SNX14: variants seen among roughly 807,000 people sequenced by gnomAD.
The protein encoded by SNX14 is sorting nexin-14.
A neutral mutation model predicts 133.8 loss-of-function variants in SNX14; 93 were observed. The ratio of observed to expected loss-of-function variants is 0.70; its 90% confidence interval spans 0.59 to 0.83. SNX14 has a LOEUF of 0.83. Ranked by LOEUF, SNX14 falls within the 40% of genes least tolerant of loss-of-function variation. SNX14 has a pLI of 0.00. For missense variants in SNX14, 945 were observed against 1,094.9 expected (o/e 0.86, Z 1.93); for synonymous variants, 368 against 365.6 (o/e 1.01, Z -0.07).
chr6:85,548,858 T>C (rs1439853390), intron 8 of SNX14, among the ~76,000 whole-genome samples: 2 of 151,152 alleles, frequency 1.3e-5, no homozygotes, highest in African/African-American at 2.4e-5. Context: ...TCCCAGCTAA[T>C]AGGGAGGCTG....
At chr6:85,529,575 A>G (rs77313800) in intron 19 of SNX14, among the ~76,000 whole-genome samples, 237 of 152,328 alleles carry the variant, frequency 1.6e-3, no homozygotes, top group African/African-American at 5.1e-3. Context: ...GTAGAGAGAA[A>G]GATAAAACCA....
At chr6:85,521,807 T>C (rs976600872) in intron 21 of SNX14, among the ~76,000 whole-genome samples, 15 of 152,238 alleles carry the variant, frequency 9.9e-5, no homozygotes, top group Admixed American at 7.2e-4. Flanking sequence ...AGCCATAAGA[T>C]CTTTGCCTAG....
intron 7 of SNX14, among the ~76,000 whole-genome samples, chr6:85,555,651 G>T (rs1562321380): frequency 6.6e-6 from 1 of 152,146 alleles, no homozygotes; most frequent in Non-Finnish European, 1.5e-5. Context: ...ATGAATACAT[G>T]ATTATACATT....
At chr6:85,580,480 C>T (rs551492320) in intron 1 of SNX14, among the ~76,000 whole-genome samples, 3 of 152,222 alleles carry the variant, frequency 2.0e-5, no homozygotes, top group Non-Finnish European at 2.9e-5. Flanking sequence ...AAGGGGATGT[C>T]GTCTTACAGC....
rs184220960 is a variant in SNX14, at chr6:85,541,708, C to T, written c.1448+277G>A. Among the ~76,000 whole-genome samples the T allele has an allele frequency of 2.0e-5, 3 of 152,186 alleles. No homozygotes were observed. In the East Asian group the frequency reaches 5.8e-4, roughly 29 times the overall value. On this transcript the variant is annotated intron_variant, in intron 15 of 28. Transcript: ENST00000314673. ...GTGGATGCCACTTATGCATTCAGTC[C>T]CTAGTCTCCAATAAAGCTGGTAATC...
At chr6:85,535,175 C>T (rs1781532664) in intron 17 of SNX14, among the ~76,000 whole-genome samples, 1 of 151,694 alleles carries the variant, frequency 6.6e-6, no homozygotes, top group Admixed American at 6.6e-5. Context: ...ACCATCACAC[C>T]CAGCTAATTT....
At chr6:85,584,744 A>G (rs1800120459) in intron 1 of SNX14, among the ~76,000 whole-genome samples, 1 of 152,196 alleles carries the variant, frequency 6.6e-6, no homozygotes, top group Non-Finnish European at 1.5e-5. Context: ...AAAAGTCAGG[A>G]AACAACAGGT....
intron 6 of SNX14, among the ~76,000 whole-genome samples, chr6:85,560,001 A>G (rs1051319629): frequency 1.3e-5 from 2 of 152,210 alleles, no homozygotes; most frequent in African/African-American, 4.8e-5. Flanking sequence ...TAGTTCTGGC[A>G]AGGATGTGGA....
chr6:85,551,997 CAG>C (rs1303302413), intron 7 of SNX14, among the ~76,000 whole-genome samples: 6 of 150,320 alleles, frequency 4.0e-5, no homozygotes, highest in Non-Finnish European at 8.9e-5. Context: ...GCATTCTGTG[CAG>C]AGTTTTCAAA....
chr6:85,555,984 G>A (rs191828661), intron 7 of SNX14, among the ~76,000 whole-genome samples: 11 of 150,562 alleles, frequency 7.3e-5, no homozygotes, highest in Admixed American at 3.3e-4. Flanking sequence ...GCGAAACTGC[G>A]TCTCAAAAAA....
At chr6:85,575,797 T>C (rs1383542693) in intron 1 of SNX14, among the ~76,000 whole-genome samples, 1 of 152,226 alleles carries the variant, frequency 6.6e-6, no homozygotes. Flanking sequence ...AAAGGAACTT[T>C]TGGAGATTTC....
chr6:85,588,120 T>C (rs1202934460), intron 1 of SNX14, among the ~76,000 whole-genome samples: 2 of 151,706 alleles, frequency 1.3e-5, no homozygotes, highest in Non-Finnish European at 2.9e-5. Context: ...TGAAACCTCG[T>C]CTGTACACAA....
chr6:85,591,598 C>T (rs1366630239), intron 1 of SNX14, among the ~76,000 whole-genome samples: 4 of 152,132 alleles, frequency 2.6e-5, no homozygotes, highest in Non-Finnish European at 5.9e-5. Context: ...ATGTTATGAC[C>T]ATAAGTAGAT....
intron 6 of SNX14, among the ~76,000 whole-genome samples, chr6:85,564,434 T>C (rs1312382103): frequency 2.6e-5 from 4 of 152,354 alleles, no homozygotes; most frequent in Middle Eastern, 3.4e-3. Context: ...CCAGCACCTG[T>C]TGTTGCCTGA....
chr6:85,563,353 T>C (rs553173376), intron 6 of SNX14, among the ~76,000 whole-genome samples: 2 of 152,160 alleles, frequency 1.3e-5, no homozygotes, highest in South Asian at 2.1e-4. Flanking sequence ...ATATAGGCAA[T>C]GATACAAATA....
intron 27 of SNX14, 118 bp from the exon 28 acceptor site, chr6:85,507,407 G>A (rs997343004): frequency 2.7e-6 from 2 of 737,664 alleles, no homozygotes; most frequent in South Asian, 3.9e-5. Context: ...CAGGGAATGG[G>A]ACTGATAATA....
intron 21 of SNX14, among the ~76,000 whole-genome samples, chr6:85,520,583 T>C (rs1034150914): frequency 2.0e-5 from 3 of 151,030 alleles, no homozygotes; most frequent in Admixed American, 2.0e-4. Flanking sequence ...GTCTTGAACT[T>C]CTAAGTTCAA....
intron 21 of SNX14, among the ~76,000 whole-genome samples, chr6:85,519,893 A>C (rs995870813): frequency 1.3e-5 from 2 of 152,098 alleles, no homozygotes; most frequent in Non-Finnish European, 2.9e-5. Context: ...ACAAAACAAA[A>C]AAAAACTATG....
chr6:85,530,626 C>A (rs1326316064), intron 18 of SNX14, among the ~76,000 whole-genome samples: 2 of 137,780 alleles, frequency 1.5e-5, no homozygotes, highest in Non-Finnish European at 3.1e-5. Flanking sequence ...GCCTGGGCAA[C>A]AGAGCGAGAC....
Sources: gnomAD v4.1 joint callset for allele counts (sites outside exome capture counted in the v4.1 genomes callset) on GRCh38, gnomAD v4.1.1 for gene constraint, MANE v1.5 for transcripts, NCBI Gene and HGNC (gene_info 2026-07-23, HGNC 2026-07-21) for gene names.